BCAR3: variants seen among roughly 807,000 people sequenced by gnomAD.
BCAR3 encodes BCAR3 adaptor protein, NSP family member.
Under a neutral mutation model 80.1 loss-of-function variants are expected in BCAR3, and 37 were observed. The ratio of observed to expected loss-of-function variants is 0.46; its 90% CI spans 0.36 to 0.61. The LOEUF is 0.61. Among genes scored for constraint, BCAR3 ranks in the 20% least tolerant of loss-of-function variants. The pLI is 0.00. For synonymous variants in BCAR3, 389 were observed against 418.9 expected (o/e 0.93, Z 0.87); for missense variants, 978 against 1,068.2 (o/e 0.92, Z 1.18).
chr1:93,667,849 C>G (rs1647999676), intron 2 of BCAR3, among the ~76,000 whole-genome samples: 1 of 152,232 alleles, frequency 6.6e-6, no homozygotes, highest in African/African-American at 2.4e-5. Context: ...AGACCAATCC[C>G]CCTGAGGACA....
chr1:93,776,946 AC>A (rs1652571907), intron 2 of BCAR3, among the ~76,000 whole-genome samples: 1 of 152,136 alleles, frequency 6.6e-6, no homozygotes. Flanking sequence ...CAGGGTTCTT[AC>A]AGATGGAATC....
Position 93,562,387 on chromosome 1 carries a change from A to C in BCAR3, c.2332T>G (p.Cys778Gly), listed in dbSNP as rs778964260. Reference protein sequence around the residue: ...FQPDEEMNEICKTEFQMRLLW... With the variant: ...FQPDEEMNEIGKTEFQMRLLW... Reference sequence around the variant, plus strand: ...AATCGCATTTGAAATTCAGTCTTGCAGATTTCATTCATTTCTTCATCTGGT... The same window carrying C: ...AATCGCATTTGAAATTCAGTCTTGCCGATTTCATTCATTTCTTCATCTGGT... The change falls in exon 12 of 12, where the codon TGC (cysteine) becomes GGC (glycine). Residue 778 changes from cysteine (C) to glycine (G), a missense_variant. Physicochemically the swap from Cys to Gly is radical, Grantham distance 159 (BLOSUM62 -3). Transcript: ENST00000260502. 2 of 1,613,996 alleles carry C rather than the reference A, an allele frequency of 1.2e-6. No homozygotes were observed. The highest frequency in any genetic ancestry group is 1.7e-6 in the Non-Finnish European group (2 of 1,179,960).
At chr1:93,789,995 C>T (rs1228521457) in intron 2 of BCAR3, among the ~76,000 whole-genome samples, 2 of 152,050 alleles carry the variant, frequency 1.3e-5, no homozygotes, top group Non-Finnish European at 2.9e-5. Flanking sequence ...AGCCCTTCCC[C>T]ATTTGGTCAG....
intron 8 of BCAR3, 69 bp from the exon 9 acceptor site, chr1:93,571,910 C>A: frequency 6.6e-7 from 1 of 1,523,036 alleles, no homozygotes; most frequent in East Asian, 2.3e-5. Flanking sequence ...ACCAAATCAG[C>A]CAAGAGCAGG....
chr1:93,646,110 T>C (rs1381772603), intron 2 of BCAR3, among the ~76,000 whole-genome samples: 1 of 152,184 alleles, frequency 6.6e-6, no homozygotes, highest in Non-Finnish European at 1.5e-5. Flanking sequence ...GCTTAAAAAA[T>C]ATATAAAAGC....
At chr1:93,813,472 T>A (rs1274126679) in intron 2 of BCAR3, among the ~76,000 whole-genome samples, 1 of 152,162 alleles carries the variant, frequency 6.6e-6, no homozygotes, top group Non-Finnish European at 1.5e-5. Context: ...TCTCTCTCAT[T>A]CACTTTTAAT....
chr1:93,801,285 C>A (rs894436028), intron 2 of BCAR3, among the ~76,000 whole-genome samples: 3 of 152,170 alleles, frequency 2.0e-5, no homozygotes, highest in Non-Finnish European at 4.4e-5. Flanking sequence ...ATGATTTTAG[C>A]GGCTTCGTTG....
chr1:93,760,168 A>G (rs966290631), intron 2 of BCAR3, among the ~76,000 whole-genome samples: 4 of 148,024 alleles, frequency 2.7e-5, no homozygotes, highest in African/African-American at 1.0e-4. Context: ...GGCCCACAGG[A>G]AAAAAAAAAG....
chr1:93,802,668 A>G (rs1470782289), intron 2 of BCAR3, among the ~76,000 whole-genome samples: 1 of 152,238 alleles, frequency 6.6e-6, no homozygotes, highest in Non-Finnish European at 1.5e-5. Flanking sequence ...AAAGCAAAGA[A>G]TAAAAGGGTT....
Position 93,582,714 on chromosome 1 carries a change from A to T in BCAR3, c.1273T>A (p.Ser425Thr). The T allele has an allele frequency of 6.2e-7, 1 of 1,614,070 alleles. No homozygotes were observed. The highest frequency in any genetic ancestry group is 8.5e-7 in the Non-Finnish European group (1 of 1,180,006). The change falls in exon 7 of 12, where the codon TCA becomes ACA. Residue 425 changes from serine (S) to threonine (T), a missense_variant. Physicochemically the swap from Ser to Thr is moderately conservative, Grantham distance 58 (BLOSUM62 1). Transcript: ENST00000260502. ...TTCAGTTCACAGTAGTTGGCCTCTG[A>T]GTTGAGCCAGGCAGAGGGAGACGAG... is the stretch of plus-strand genomic sequence containing the variant. ...VPSSPSAWLN[S>T]EANYCELNPA...
chr1:93,845,481 TATATATATATATATATA>T (rs1557708420), intron 2 of BCAR3: 5 of 3,774 alleles, frequency 1.3e-3, no homozygotes, highest in African/African-American at 6.8e-3. Flanking sequence ...TATATATATA[TATATATATATATATATA>T]TATAAAACTT....
intron 2 of BCAR3, among the ~76,000 whole-genome samples, chr1:93,822,049 G>C (rs1654241037): frequency 6.6e-6 from 1 of 152,210 alleles, no homozygotes; most frequent in South Asian, 2.1e-4. Flanking sequence ...CTTGAAGAGA[G>C]TGTTAGTATA....
intron 1 of BCAR3, among the ~76,000 whole-genome samples, chr1:93,846,657 C>G (rs914236724): frequency 6.6e-6 from 1 of 151,958 alleles, no homozygotes. Flanking sequence ...GCGCGCCCTC[C>G]GACCACATGC....
At chr1:93,766,282 G>A (rs1229134566) in intron 2 of BCAR3, among the ~76,000 whole-genome samples, 1 of 152,220 alleles carries the variant, frequency 6.6e-6, no homozygotes, top group Non-Finnish European at 1.5e-5. Flanking sequence ...CTGAGCCAGT[G>A]AATTAAAAGC....
intron 2 of BCAR3, among the ~76,000 whole-genome samples, chr1:93,829,260 T>G (rs1396283289): frequency 1.3e-5 from 2 of 152,112 alleles, no homozygotes; most frequent in Non-Finnish European, 2.9e-5. Flanking sequence ...TAGTCTTTTA[T>G]TATGCAAATA....
At position 93,592,321 on chromosome 1, in the gene BCAR3, G is replaced by C. The variant is rs1188622769; in HGVS notation, c.430C>G (p.Leu144Val). 6.2e-7 allele frequency: 1 copy of C among 1,611,476 alleles called. No individual in the cohort carries two copies. The highest frequency in any genetic ancestry group is 8.5e-7 in the Non-Finnish European group (1 of 1,179,936). Residue 144 changes from leucine to valine, a missense_variant, in exon 4 of 12, where the codon CTG becomes GTG. By Grantham distance (32) the Leu-to-Val change is conservative. Transcript: ENST00000260502. The surrounding 1 kb of genome is among the most constrained non-coding windows in gnomAD (Gnocchi z 4.8). The stretch of plus-strand genomic sequence containing the variant: ...TGGCTGCGCAGGTCCTCGCTGCTCA[G>C]GAGCAGCTCCTCCTCCAGCTCCTTC... ...LKKELEEELL[L>V]SSEDLRSHAW...
chr1:93,692,954 G>C (rs1323783906), intron 3 of BCAR3, among the ~76,000 whole-genome samples: 1 of 152,170 alleles, frequency 6.6e-6, no homozygotes, highest in Non-Finnish European at 1.5e-5. Flanking sequence ...CCACAGTCAA[G>C]CCTCTACATA....
At chr1:93,841,213 C>T (rs1571164820) in intron 2 of BCAR3, among the ~76,000 whole-genome samples, 1 of 152,196 alleles carries the variant, frequency 6.6e-6, no homozygotes, top group African/African-American at 2.4e-5. Context: ...ACTTTCTCAG[C>T]TGTATCTCTT....
chr1:93,684,524 A>T (rs1571043231), upstream of BCAR3, among the ~76,000 whole-genome samples: 2 of 152,226 alleles, frequency 1.3e-5, no homozygotes, highest in East Asian at 3.9e-4. Flanking sequence ...ACTAGAATTG[A>T]TGACACATTC....
Sources: allele counts gnomAD v4.1 joint callset (sites outside exome capture counted in the v4.1 genomes callset), GRCh38; gene constraint gnomAD v4.1.1; non-coding constraint Gnocchi (gnomAD v3.1); transcripts MANE v1.5; gene names NCBI Gene and HGNC (gene_info 2026-07-23, HGNC 2026-07-21).